Variants in EVC observed in about 807,000 individuals in gnomAD.
EVC encodes evC complex member EVC.
A neutral mutation model predicts 118.9 loss-of-function variants in EVC; 116 were observed. The observed-to-expected ratio is 0.98, with a 90% confidence interval of 0.84 to 1.14. The LOEUF (loss-of-function observed/expected upper bound fraction) is 1.14, where lower values mean the gene tolerates loss of function less well. Ranked by LOEUF, EVC falls within the 50% of genes most tolerant of loss-of-function variation. EVC has a pLI of 0.00. For missense variants in EVC, 1,401 were observed against 1,246.4 expected, an observed-to-expected ratio of 1.12 and a Z score of -1.87; for synonymous variants, 619 against 534.7, an observed-to-expected ratio of 1.16 and a Z score of -2.18.
intron 5 of EVC, among the ~76,000 whole-genome samples, chr4:5,734,451 G>A (rs142337013): frequency 6.6e-6 from 1 of 152,136 alleles, no homozygotes; most frequent in African/African-American, 2.4e-5. Context: ...ACCAGCCTGG[G>A]CAACATGGCA....
In EVC at chr4:5,738,846, G is replaced by A. The variant is rs1354473753; in HGVS notation, c.703-2870G>A. The stretch of plus-strand genomic sequence containing the variant: ...CTCCCAAAGTGCTGGGATTACGGGT[G>A]TGAGCCACCGCACCCAGCCCAACAA... On this transcript the variant is annotated intron_variant, in intron 5 of 20. Transcript: ENST00000264956. This position sits in a 1 kb window ranked among gnomAD's most constrained non-coding sequence, Gnocchi z 6.5. Among the ~76,000 whole-genome samples, 1 of 152,140 alleles carries A rather than the reference G, an allele frequency of 6.6e-6. No homozygotes were observed. The highest frequency in any genetic ancestry group is 1.5e-5 in the Non-Finnish European group (1 of 68,034).
chr4:5,711,560 T>C lies in EVC; in HGVS notation c.174+6T>C. The C allele has an allele frequency of 8.7e-7, 1 of 1,152,556 alleles. No individual in the cohort carries two copies. 71.4% of individuals were successfully genotyped at this position (1,152,556 alleles called of 1,614,324 possible). A position where few individuals can be genotyped will look rare whatever the true frequency, so the allele number is the denominator to read the frequency against. ...GCCAGCGCACGCGACACCAGGTGGG[T>C]CGGCCGAGCAGACAGCGGCGGGGCG... On this transcript the variant is annotated splice_donor_region_variant and intron_variant, in intron 1 of 20. Coordinates refer to ENST00000264956, the MANE Select transcript of EVC (RefSeq NM_153717.3).
intron 2 of EVC, among the ~76,000 whole-genome samples, 197 bp from the exon 3 acceptor site, chr4:5,729,110 A>G (rs370670868): frequency 5.3e-5 from 8 of 151,786 alleles, no homozygotes; most frequent in African/African-American, 9.7e-5. Flanking sequence ...CCATCCATCT[A>G]TCCATCCATC....
chr4:5,736,065 A>G (rs1325752308), intron 5 of EVC, among the ~76,000 whole-genome samples: 2 of 152,100 alleles, frequency 1.3e-5, no homozygotes, highest in Admixed American at 1.3e-4. Context: ...GGCCCTGAGG[A>G]GGAAGAAACT....
At chr4:5,800,789 AG>A (rs1560431729) in intron 15 of EVC, among the ~76,000 whole-genome samples, 2 of 152,188 alleles carry the variant, frequency 1.3e-5, no homozygotes, top group African/African-American at 4.8e-5. Flanking sequence ...CTCGGGAGTT[AG>A]AAGACCAGCT....
intron 11 of EVC, among the ~76,000 whole-genome samples, chr4:5,769,360 G>A (rs1282488197): frequency 1.3e-5 from 2 of 152,162 alleles, no homozygotes; most frequent in Non-Finnish European, 2.9e-5. Context: ...CCAGTCCCAT[G>A]ACATGGGGAT....
chr4:5,782,463 G>A (rs1474762293), intron 11 of EVC, among the ~76,000 whole-genome samples: 2 of 113,736 alleles, frequency 1.8e-5, no homozygotes, highest in African/African-American at 3.5e-5. Context: ...GCGCAATCTC[G>A]GCTCACAGCA....
chr4:5,761,739 G>A (rs1055475442), intron 11 of EVC, among the ~76,000 whole-genome samples: 1 of 151,770 alleles, frequency 6.6e-6, no homozygotes, highest in Non-Finnish European at 1.5e-5. Context: ...TTAGTCCTTA[G>A]GGAAGAAAGC....
chr4:5,768,361 A>G (rs1327870310), intron 11 of EVC, among the ~76,000 whole-genome samples: 1 of 152,054 alleles, frequency 6.6e-6, no homozygotes. Flanking sequence ...CTGGTAGGAG[A>G]CTGCTGTGGC....
At chr4:5,827,789 A>T in the EVC span, among the ~76,000 whole-genome samples, 3 of 151,926 alleles carry the variant, frequency 2.0e-5, no homozygotes, top group Non-Finnish European at 4.4e-5. Context: ...CAGCTGTCTC[A>T]TGGGGAAAGC....
In EVC at chr4:5,783,715, G is replaced by A. The variant is rs1383180; in HGVS notation, c.1727G>A (p.Arg576Gln). The stretch of plus-strand genomic sequence containing the variant: ...CAGCTGGGGAAGTCAAATCGCTTCC[G>A]GAGGCAGCAGTGGAAACTCTTCCAG... ...AWQLGKSNRF[R>Q]RQQWKLFQEL... The change falls in exon 12 of 21, where the codon CGG becomes CAG. Residue 576 changes from arginine (R) to glutamine (Q), a missense_variant. By Grantham distance (43) the Arg-to-Gln change is conservative. Transcript: ENST00000264956. The A allele has an allele frequency of 0.35, 558,112 of 1,613,550 alleles. 99,274 individuals carry two copies. Among genetic ancestry groups the A allele is most frequent in the Admixed American group, 0.48 (28,565 of 59,934 alleles).
chr4:5,730,803 G>A (rs34546509), intron 3 of EVC, among the ~76,000 whole-genome samples: 3 of 152,094 alleles, frequency 2.0e-5, no homozygotes, highest in Non-Finnish European at 2.9e-5. Context: ...CACCAGGAGC[G>A]TCTAAGCCAG....
the EVC span, among the ~76,000 whole-genome samples, chr4:5,823,360 T>C: frequency 4.6e-5 from 7 of 152,364 alleles, no homozygotes; most frequent in South Asian, 1.4e-3. Flanking sequence ...AGGCCTGGAA[T>C]CAGGCCTAGC....
the EVC span, chr4:5,826,671 C>T: frequency 2.6e-5 from 4 of 152,314 alleles, no homozygotes; most frequent in African/African-American, 4.8e-5. Flanking sequence ...CACTGGAGAA[C>T]AGCATGTGTT....
rs182561557 is a variant in EVC, at chr4:5,718,275, G to A, written c.175-973G>A. ...ATTTCCATTAACCAGTCAATACATA[G>A]CATAGTTTTATGTATGTTTCTGTTT... is the stretch of plus-strand genomic sequence containing the variant. On this transcript the variant is annotated intron_variant, in intron 1 of 20. Coordinates refer to ENST00000264956, the MANE Select transcript of EVC (RefSeq NM_153717.3). Among the ~76,000 whole-genome samples the A allele has an allele frequency of 7.2e-5, 11 of 151,808 alleles. No homozygotes were observed. In the Middle Eastern group the frequency reaches 0.01, roughly 141 times the overall value.
chr4:5,733,533 G>A, intron 5 of EVC, 98 bp downstream of exon 5: 2 of 1,049,548 alleles, frequency 1.9e-6, no homozygotes, highest in African/African-American at 1.6e-5. Flanking sequence ...TTGAGAGGCA[G>A]ACATCAGTGG....
chr4:5,753,849 A>G lies in EVC; in HGVS notation c.1380A>G (p.Ala460=). The G allele has an allele frequency of 6.2e-7, 1 of 1,614,088 alleles. No homozygotes were observed. The highest frequency in any genetic ancestry group is 8.5e-7 in the Non-Finnish European group (1 of 1,180,016). ...ASLAHQVEGT[A]KLTLAQEEEQ... is the part of the protein sequence containing the mutation. ...TGGCTCACCAGGTGGAGGGAACGGC[A>G]AAACTCACGCTGGCCCAAGAGGAGG... Residue 460 remains alanine (A), a synonymous_variant, in exon 10 of 21, where the codon GCA becomes GCG. Coordinates refer to ENST00000264956, the MANE Select transcript of EVC (RefSeq NM_153717.3).
intron 11 of EVC, among the ~76,000 whole-genome samples, chr4:5,757,541 C>T (rs115202667): frequency 7.4e-4 from 112 of 152,344 alleles, no homozygotes; most frequent in Admixed American, 1.1e-3. Flanking sequence ...CCCGAGATCA[C>T]GGTGCCAACA....
intron 11 of EVC, among the ~76,000 whole-genome samples, chr4:5,760,815 G>A (rs1432320748): frequency 6.6e-6 from 1 of 152,192 alleles, no homozygotes; most frequent in Non-Finnish European, 1.5e-5. Context: ...GCCTCCCAAA[G>A]TGCTGGGATT....
Sources: gnomAD v4.1 joint callset for allele counts (sites outside exome capture counted in the v4.1 genomes callset) on GRCh38, gnomAD v4.1.1 for gene constraint, Gnocchi (gnomAD v3.1) non-coding constraint, MANE v1.5 for transcripts, NCBI Gene and HGNC (gene_info 2026-07-23, HGNC 2026-07-21) for gene names.